The following CTNNA3 variants were observed in gnomAD, a reference collection of about 807,000 sequenced individuals.
CTNNA3 encodes the protein catenin alpha-3.
In CTNNA3, 76 loss-of-function variants were observed where a neutral mutation model predicts 95.7. The observed-to-expected ratio is 0.79, with a 90% CI of 0.66 to 0.96. CTNNA3 has a LOEUF of 0.96. Among genes scored for constraint, CTNNA3 ranks in the 40% least tolerant of loss-of-function variants. CTNNA3 has a pLI of 0.00. For missense variants in CTNNA3, 1,191 were observed against 1,089.8 expected (o/e 1.09, Z -1.31); for synonymous variants, 431 against 374.4 (o/e 1.15, Z -1.74).
intron 7 of CTNNA3, among the ~76,000 whole-genome samples, chr10:66,776,749 C>T (rs896715508): frequency 2.6e-5 from 4 of 152,122 alleles, no homozygotes; most frequent in African/African-American, 9.7e-5. Context: ...TTCCAACAAC[C>T]CTGCTCAAAA....
At chr10:66,291,874 A>G (rs2091687566) in intron 12 of CTNNA3, among the ~76,000 whole-genome samples, 2 of 151,420 alleles carry the variant, frequency 1.3e-5, no homozygotes, top group South Asian at 4.2e-4. Context: ...GTGTGTCTAT[A>G]TATGTGTGTG....
intron 7 of CTNNA3, among the ~76,000 whole-genome samples, chr10:66,898,533 CCA>C (rs1346904981): frequency 1.3e-5 from 2 of 151,976 alleles, no homozygotes; most frequent in African/African-American, 4.8e-5. Context: ...AATAGAGCAT[CCA>C]GAAATAATAC....
At chr10:66,405,042 G>A (rs2093046996) in intron 11 of CTNNA3, among the ~76,000 whole-genome samples, 3 of 152,142 alleles carry the variant, frequency 2.0e-5, no homozygotes, top group African/African-American at 7.2e-5. Context: ...AGTTTGGTAG[G>A]AAGAAATACA....
upstream of CTNNA3, among the ~76,000 whole-genome samples, chr10:67,699,972 T>A (rs1025676539): frequency 2.0e-5 from 3 of 152,306 alleles, no homozygotes; most frequent in African/African-American, 7.2e-5. Flanking sequence ...GGAGATTATA[T>A]CCCGCACATG....
chr10:66,579,365 A>G (rs1843111754), intron 10 of CTNNA3, among the ~76,000 whole-genome samples: 1 of 151,870 alleles, frequency 6.6e-6, no homozygotes, highest in Non-Finnish European at 1.5e-5. Flanking sequence ...TGGGCAGTAC[A>G]TGCCATCAGA....
rs76355225 is a variant in CTNNA3 at position 67,214,234 on chromosome 10, G to A, written c.843+5373C>T. 0.011 allele frequency among the ~76,000 whole-genome samples: 1,717 copies of A among 151,610 alleles called. 95 individuals are homozygous for A. The East Asian group carries it at 0.16, about 14-fold the overall frequency. On this transcript the variant is annotated intron_variant, in intron 6 of 17. Transcript: ENST00000433211. The stretch of plus-strand genomic sequence containing the variant: ...ATTTTTTTCTTCTTTTGGACAAACT[G>A]AGTTTCTTATTTTCTCATTGCATTT...
chr10:67,493,198 G>A (rs910467421), intron 5 of CTNNA3, among the ~76,000 whole-genome samples: 5 of 148,310 alleles, frequency 3.4e-5, no homozygotes, highest in Non-Finnish European at 7.4e-5. Context: ...GCTTCACCTA[G>A]CTCAACGTGG....
At chr10:66,296,586 GATCTATAT>G (rs1307701830) in intron 12 of CTNNA3, among the ~76,000 whole-genome samples, 2 of 137,266 alleles carry the variant, frequency 1.5e-5, no homozygotes, top group East Asian at 4.3e-4. Flanking sequence ...CACACACACA[GATCTATAT>G]ATCTATATAT....
At chr10:66,205,995 G>C (rs1458191744) in intron 13 of CTNNA3, among the ~76,000 whole-genome samples, 1 of 151,884 alleles carries the variant, frequency 6.6e-6, no homozygotes, top group Non-Finnish European at 1.5e-5. Context: ...TTACACTCCA[G>C]AAAAATCAGC....
At chr10:66,821,320 T>C (rs1296270019) in intron 7 of CTNNA3, among the ~76,000 whole-genome samples, 1 of 152,210 alleles carries the variant, frequency 6.6e-6, no homozygotes, top group Non-Finnish European at 1.5e-5. Context: ...AAATGTATAA[T>C]GCTTTGCCAG....
At chr10:66,755,408 A>C (rs73307026) in intron 9 of CTNNA3, among the ~76,000 whole-genome samples, 8,486 of 152,246 alleles carry the variant, frequency 0.056, 819 homozygotes, top group African/African-American at 0.19. Context: ...TATTGGAAAC[A>C]ATCGAAATGA....
chr10:67,134,044 A>T (rs1017577185), intron 7 of CTNNA3, among the ~76,000 whole-genome samples: 1 of 152,106 alleles, frequency 6.6e-6, no homozygotes, highest in African/African-American at 2.4e-5. Context: ...GATTTGCCCA[A>T]TGTTACACAG....
At chr10:67,104,908 G>A (rs1281131968) in intron 7 of CTNNA3, among the ~76,000 whole-genome samples, 4 of 151,946 alleles carry the variant, frequency 2.6e-5, no homozygotes, top group Middle Eastern at 3.2e-3. Context: ...TAATATCATT[G>A]TGTCTTCTCA....
chr10:66,957,942 C>A (rs1317757888), intron 7 of CTNNA3, among the ~76,000 whole-genome samples: 2 of 151,974 alleles, frequency 1.3e-5, no homozygotes, highest in Non-Finnish European at 2.9e-5. Context: ...CAACCAGAAG[C>A]AGTGAGAGGG....
chr10:67,673,780 GGTAAGAA>G (rs1840485604), intron 1 of CTNNA3, among the ~76,000 whole-genome samples: 2 of 132,186 alleles, frequency 1.5e-5, no homozygotes, highest in African/African-American at 2.8e-5. Context: ...GAAGTCTAGA[GGTAAGAA>G]GTTAATAACG....
intron 7 of CTNNA3, among the ~76,000 whole-genome samples, chr10:66,843,517 T>C (rs772288508): frequency 2.0e-5 from 3 of 152,178 alleles, no homozygotes; most frequent in Admixed American, 6.5e-5. Flanking sequence ...ATTTCTTTGA[T>C]GGGAAAGAGC....
At chr10:67,263,761 T>C (rs1866708361) in intron 5 of CTNNA3, among the ~76,000 whole-genome samples, 1 of 152,174 alleles carries the variant, frequency 6.6e-6, no homozygotes, top group African/African-American at 2.4e-5. Flanking sequence ...ACACTTCCAC[T>C]TCTGGCAGGA....
intron 7 of CTNNA3, among the ~76,000 whole-genome samples, chr10:66,938,922 C>A (rs186871437): frequency 2.0e-5 from 3 of 152,274 alleles, no homozygotes; most frequent in Admixed American, 2.0e-4. Context: ...CATTTGTGAT[C>A]TCTCCCCGTC....
At chr10:66,288,829 T>G (rs1297286143) in intron 12 of CTNNA3, among the ~76,000 whole-genome samples, 2 of 152,050 alleles carry the variant, frequency 1.3e-5, no homozygotes, top group Non-Finnish European at 2.9e-5. Flanking sequence ...TAAAAAACCC[T>G]AAAGAAACCC....
Sources: allele counts gnomAD v4.1 joint callset (sites outside exome capture counted in the v4.1 genomes callset), GRCh38; gene constraint gnomAD v4.1.1; transcripts MANE v1.5; gene names NCBI Gene and HGNC (gene_info 2026-07-23, HGNC 2026-07-21).